The following NBPF12 variants were observed in gnomAD, a reference collection of about 807,000 sequenced individuals.
The protein encoded by NBPF12 is NBPF family member NBPF12.
Under a neutral mutation model 146.4 loss-of-function variants are expected in NBPF12, and 115 were observed. That is an observed-to-expected ratio of 0.79 (90% CI 0.68 to 0.92). The LOEUF (loss-of-function observed/expected upper bound fraction) is 0.92, where lower values mean the gene tolerates loss of function less well. Among genes scored for constraint, NBPF12 ranks in the 40% least tolerant of loss-of-function variants. The pLI is 0.00. For missense variants in NBPF12, 1,205 were observed against 1,326.8 expected (o/e 0.91, Z 1.43); for synonymous variants, 385 against 508.9 (o/e 0.76, Z 3.28).
At chr1:146,992,474 G>C (rs1411256141) in intron 31 of NBPF12, among the ~76,000 whole-genome samples, 36 of 99,370 alleles carry the variant, frequency 3.6e-4, no homozygotes, top group Middle Eastern at 9.0e-3. Context: ...GTGTGTGTGT[G>C]TGTGTGTGTG....
At chr1:146,994,084 C>G (rs375792701) in intron 33 of NBPF12, among the ~76,000 whole-genome samples, 111 of 100,424 alleles carry the variant, frequency 1.1e-3, no homozygotes, top group African/African-American at 4.6e-3. Context: ...AATTCACTAG[C>G]TCACTTTCTC....
intron 1 of NBPF12, among the ~76,000 whole-genome samples, chr1:146,940,161 T>C (rs1654733376): frequency 6.6e-6 from 1 of 152,088 alleles, no homozygotes; most frequent in Admixed American, 6.5e-5. Flanking sequence ...TTCTTTTTGT[T>C]TTTGAATTTA....
chr1:146,970,870 G>A (rs1369089554), intron 12 of NBPF12, 151 bp downstream of exon 15: 73 of 972,698 alleles, frequency 7.5e-5, no homozygotes, highest in African/African-American at 6.1e-4. Flanking sequence ...ACAGGGTGTG[G>A]CAGCTGTCGT....
chr1:146,990,111 ATC>A (rs1349782493), intron 28 of NBPF12, among the ~76,000 whole-genome samples: 130 of 92,372 alleles, frequency 1.4e-3, no homozygotes, highest in Non-Finnish European at 2.3e-3. Context: ...ACCATGAACA[ATC>A]TGAGTATTTG....
chr1:146,944,359 CCTT>C (rs1190848670), upstream of NBPF12, among the ~76,000 whole-genome samples: 2 of 144,618 alleles, frequency 1.4e-5, no homozygotes, highest in Non-Finnish European at 3.0e-5. Context: ...CTGTTTGTAT[CCTT>C]CTCACGTGGC....
exon 5 of NBPF12, chr1:146,962,189 A>G: frequency 4.4e-6 from 7 of 1,608,896 alleles, no homozygotes; most frequent in Non-Finnish European, 5.9e-6. Flanking sequence ...ACCTCATAAA[A>G]TTTATGCTGA....
chr1:146,952,353 T>A (rs1436618791), intron 2 of NBPF12, among the ~76,000 whole-genome samples: 1 of 152,070 alleles, frequency 6.6e-6, no homozygotes, highest in African/African-American at 2.4e-5. Context: ...TCTCTTCTAT[T>A]CTCTTGCATC....
intron 21 of NBPF12, among the ~76,000 whole-genome samples, 181 bp from the exon 25 acceptor site, chr1:146,984,632 T>C (rs1450396708): frequency 2.8e-5 from 4 of 143,310 alleles, no homozygotes; most frequent in Non-Finnish European, 6.0e-5. Context: ...TGTCTTTCTC[T>C]TTCATCCTTT....
intron 2 of NBPF12, among the ~76,000 whole-genome samples, chr1:146,956,626 A>G (rs1655604568): frequency 6.6e-6 from 1 of 151,978 alleles, no homozygotes; most frequent in Non-Finnish European, 1.5e-5. Flanking sequence ...TTAACAACAC[A>G]TGCAATGAAG....
intron 17 of NBPF12, 74 bp downstream of exon 20, chr1:146,977,075 G>T (rs1281421602): frequency 1.6e-6 from 1 of 633,034 alleles, no homozygotes. Flanking sequence ...ACCCTCTCTG[G>T]CATGTATGAT....
At chr1:146,969,667 A>G in intron 11 of NBPF12, 71 bp downstream of exon 14, 1 of 1,528,622 alleles carries the variant, frequency 6.5e-7, no homozygotes. Flanking sequence ...CCATACTTTC[A>G]CAATGACAGT....
At chr1:146,970,849 C>G (rs1656560324) in intron 12 of NBPF12, 130 bp downstream of exon 15, 20 of 1,022,056 alleles carry the variant, frequency 2.0e-5, no homozygotes, top group South Asian at 1.8e-4. Context: ...GAAATTCAAC[C>G]CAGCTTAGAC....
chr1:146,977,571 T>A, exon 18 of NBPF12: 1 of 1,613,156 alleles, frequency 6.2e-7, no homozygotes, highest in South Asian at 1.1e-5. Flanking sequence ...ACCAGCCACA[T>A]AGGAAAACCA....
rs1162462110 is a variant in NBPF12 at position 146,965,791 on chromosome 1, C to CAAAAAAAAAAAAAAAA, written c.779-659_779-644dup. On this transcript the variant is annotated intron_variant, in intron 8 of 33. Transcript: ENST00000617844. ...TGGGAGACAGAGCGAGACTGCATCT[C>CAAAAAAAAAAAAAAAA]AAAAAAAAAAAAAAAAAAAAAAAAA... Among the ~76,000 whole-genome samples the CAAAAAAAAAAAAAAAA allele has an allele frequency of 2.3e-4, 7 of 30,056 alleles. 2 individuals carry two copies. The East Asian group carries it at 6.4e-3, about 27-fold the overall frequency. The allele number at this position is 30,056 out of a possible 152,430, so 19.7% of individuals were successfully genotyped here. A position where few individuals can be genotyped will look rare whatever the true frequency, so the allele number is the denominator to read the frequency against.
At chr1:146,950,852 G>A (rs1225183105) in intron 1 of NBPF12, among the ~76,000 whole-genome samples, 2 of 151,880 alleles carry the variant, frequency 1.3e-5, no homozygotes, top group South Asian at 2.1e-4. Context: ...TTCCTATTAC[G>A]AATAAAACTG....
At position 146,974,916 on chromosome 1, in the gene NBPF12, C is replaced by T. The variant is rs1206454525; in HGVS notation, c.1904+75C>T. ...GAAGTACAGTAGCTCAGTGGGGAGA[C>T]GTAAGAGCTAAGCTGGGCCAGGGGA... On this transcript the variant is annotated intron_variant, in intron 15 of 33. Coordinates refer to ENST00000617844, the Ensembl canonical transcript of NBPF12. 4.8e-5 allele frequency: 38 copies of T among 796,280 alleles called. 5 individuals are homozygous for T. In the Middle Eastern group the frequency reaches 1.2e-3, roughly 24 times the overall value. 49.3% of individuals were successfully genotyped at this position (796,280 alleles called of 1,614,324 possible).
intron 11 of NBPF12, among the ~76,000 whole-genome samples, chr1:146,969,836 G>T (rs1157051275): frequency 6.6e-6 from 1 of 151,132 alleles, no homozygotes; most frequent in Non-Finnish European, 1.5e-5. Context: ...GCAAGAGGCA[G>T]CATCTATCTA....
intron 19 of NBPF12, among the ~76,000 whole-genome samples, chr1:146,980,146 T>G (rs1657278111): frequency 6.6e-6 from 1 of 152,030 alleles, no homozygotes; most frequent in Non-Finnish European, 1.5e-5. Flanking sequence ...CCCCTGCATT[T>G]TTTTGCTTTC....
chr1:146,972,737 T>G lies in NBPF12; in HGVS notation c.1592-14T>G, dbSNP rs1197797927. On this transcript the variant is annotated splice_polypyrimidine_tract_variant and intron_variant, in intron 13 of 33. Transcript: ENST00000617844. ...GTTTTTAACCCATCATGTGTTTGCC[T>G]TTCTTCTCCCCAGTCCCTGGCCCCA... is the stretch of plus-strand genomic sequence containing the variant. 1.1e-5 allele frequency: 15 copies of G among 1,356,358 alleles called. No homozygotes were observed. The highest frequency in any genetic ancestry group is 8.4e-5 in the Admixed American group (5 of 59,652). 84.0% of individuals were successfully genotyped at this position (1,356,358 alleles called of 1,614,324 possible).
Sources: allele counts gnomAD v4.1 joint callset (sites outside exome capture counted in the v4.1 genomes callset), GRCh38; gene constraint gnomAD v4.1.1; transcripts MANE v1.5; gene names NCBI Gene and HGNC (gene_info 2026-07-23, HGNC 2026-07-21).